RBFOX3: variants seen among roughly 807,000 people sequenced by gnomAD.
RBFOX3 encodes RNA binding protein fox-1 homolog 3.
RBFOX3 carries 17 observed loss-of-function variants against 48.7 expected under a neutral mutation model. The observed-to-expected ratio is 0.35, with a 90% CI of 0.24 to 0.52. The LOEUF is 0.52. Ranked by LOEUF, RBFOX3 falls within the 20% of genes least tolerant of loss-of-function variation. The pLI, the probability that RBFOX3 is intolerant of heterozygous loss-of-function variation, is 0.94. For synonymous variants in RBFOX3, 212 were observed against 209.5 expected (o/e 1.01, Z -0.10); for missense variants, 382 against 497.5 (o/e 0.77, Z 2.21).
Position 79,230,815 on chromosome 17 carries a change from C to G in RBFOX3, c.-34+4951G>C, listed in dbSNP as rs183815900. ...GACTGGGGACAAGGGCCAGGCCCAG[C>G]CTGTGTATGTGCCTGGGTTTGTTCC... On this transcript the variant is annotated intron_variant, in intron 4 of 14. Coordinates refer to ENST00000693108, the MANE Select transcript of RBFOX3 (RefSeq NM_001350451.2). Among the ~76,000 whole-genome samples, 261 of 152,246 alleles carry G rather than the reference C, an allele frequency of 1.7e-3. 1 individual carries two copies. The highest frequency in any genetic ancestry group is 3.4e-3 in the Middle Eastern group (1 of 294).
intron 1 of RBFOX3, among the ~76,000 whole-genome samples, chr17:79,540,483 C>CA (rs2089522888): frequency 6.6e-6 from 1 of 152,246 alleles, no homozygotes; most frequent in Non-Finnish European, 1.5e-5. Context: ...CTCAGCGTGT[C>CA]AGGCAGGGCT....
intron 4 of RBFOX3, among the ~76,000 whole-genome samples, chr17:79,178,348 T>G (rs2051080764): frequency 6.6e-6 from 1 of 152,234 alleles, no homozygotes; most frequent in Non-Finnish European, 1.5e-5. Flanking sequence ...AAGAAAGAGC[T>G]TAAGCCTCAA....
intron 2 of RBFOX3, among the ~76,000 whole-genome samples, chr17:79,323,645 C>T (rs2078878898): frequency 6.6e-6 from 1 of 152,130 alleles, no homozygotes; most frequent in Non-Finnish European, 1.5e-5. Flanking sequence ...GGGCTCGGTC[C>T]TGACCTTTGT....
At chr17:79,171,352 A>T (rs918325606) in intron 4 of RBFOX3, among the ~76,000 whole-genome samples, 2 of 152,228 alleles carry the variant, frequency 1.3e-5, no homozygotes, top group African/African-American at 4.8e-5. Flanking sequence ...GGGCTGGTGT[A>T]GGCCAGAGAC....
At chr17:79,253,271 C>T (rs910460956) in intron 3 of RBFOX3, among the ~76,000 whole-genome samples, 8 of 152,024 alleles carry the variant, frequency 5.3e-5, no homozygotes, top group South Asian at 2.1e-4. Flanking sequence ...CACACACATC[C>T]GGACACAAAG....
chr17:79,590,042 G>A (rs2093371583), intron 1 of RBFOX3, among the ~76,000 whole-genome samples: 1 of 152,166 alleles, frequency 6.6e-6, no homozygotes, highest in South Asian at 2.1e-4. Context: ...GGGCACTGCA[G>A]GGGCGGTGGG....
the RBFOX3 span, among the ~76,000 whole-genome samples, chr17:79,636,122 C>T: frequency 6.6e-6 from 1 of 151,988 alleles, no homozygotes; most frequent in Non-Finnish European, 1.5e-5. Flanking sequence ...ATAAATGCAA[C>T]AGAAGCAGGA....
intron 4 of RBFOX3, among the ~76,000 whole-genome samples, chr17:79,144,349 G>A (rs1416026414): frequency 1.3e-5 from 2 of 149,914 alleles, no homozygotes; most frequent in Non-Finnish European, 3.0e-5. Context: ...CACGGAGGGT[G>A]GGGTGGGCAG....
intron 4 of RBFOX3, among the ~76,000 whole-genome samples, chr17:79,123,844 G>A (rs2036436756): frequency 6.6e-6 from 1 of 152,210 alleles, no homozygotes; most frequent in Admixed American, 6.5e-5. Context: ...AAACCCGGCT[G>A]TGCTGCAGGC....
chr17:79,436,519 C>A (rs113575657), intron 2 of RBFOX3, among the ~76,000 whole-genome samples: 151 of 152,176 alleles, frequency 9.9e-4, no homozygotes, highest in African/African-American at 3.5e-3. Flanking sequence ...CCAGGACACC[C>A]GGGAGGAGCT....
chr17:79,557,252 A>T (rs1177797918), intron 1 of RBFOX3, among the ~76,000 whole-genome samples: 1 of 144,568 alleles, frequency 6.9e-6, no homozygotes, highest in Non-Finnish European at 1.5e-5. Flanking sequence ...AAAAAAAAGG[A>T]AAGGAAAGGA....
intron 4 of RBFOX3, among the ~76,000 whole-genome samples, chr17:79,143,332 T>C (rs2042295288): frequency 7.5e-6 from 1 of 132,508 alleles, no homozygotes; most frequent in African/African-American, 2.9e-5. Context: ...CTGGATATTC[T>C]GGGGACAGTT....
chr17:79,539,202 A>C (rs1036463264), intron 1 of RBFOX3, among the ~76,000 whole-genome samples: 1 of 152,032 alleles, frequency 6.6e-6, no homozygotes, highest in Non-Finnish European at 1.5e-5. Context: ...AAATAGAAAA[A>C]TTAGCAGGGC....
chr17:79,447,840 C>T (rs1555739176), intron 2 of RBFOX3, among the ~76,000 whole-genome samples: 1 of 152,172 alleles, frequency 6.6e-6, no homozygotes, highest in Non-Finnish European at 1.5e-5. Flanking sequence ...ACCCAAATAG[C>T]ATGTCAAACT....
chr17:79,195,393 C>T lies in RBFOX3; in HGVS notation c.-34+40373G>A, dbSNP rs184709490. 2.0e-4 allele frequency among the ~76,000 whole-genome samples: 31 copies of T among 151,774 alleles called. No homozygotes were observed. The highest frequency in any genetic ancestry group is 4.3e-4 in the African/African-American group (18 of 41,390). Reference sequence around the variant, plus strand: ...CTCCAGCTTGGGTGACAGAGTGAGACTCCATCTTGAAAAAAAAAAAGAAGA... The same window carrying T: ...CTCCAGCTTGGGTGACAGAGTGAGATTCCATCTTGAAAAAAAAAAAGAAGA... On this transcript the variant is annotated intron_variant, in intron 4 of 14. Coordinates refer to ENST00000693108, the MANE Select transcript of RBFOX3 (RefSeq NM_001350451.2). This position sits in a 1 kb window ranked among gnomAD's most constrained non-coding sequence, Gnocchi z 5.3.
At position 79,160,717 on chromosome 17, in the gene RBFOX3, T is replaced by C. The variant is rs542390279; in HGVS notation, c.-33-44969A>G. Among the ~76,000 whole-genome samples, 27 of 152,346 alleles carry C rather than the reference T, an allele frequency of 1.8e-4. No individual in the cohort carries two copies. In the South Asian group the frequency reaches 5.4e-3, roughly 30 times the overall value. On this transcript the variant is annotated intron_variant, in intron 4 of 14. Coordinates refer to ENST00000693108, the MANE Select transcript of RBFOX3 (RefSeq NM_001350451.2). Reference sequence around the variant, plus strand: ...ACATCTTGGCGAGCGTAGTGGCTCATGCCTGTAATTCCAGCACTTAGGGAG... The same window carrying C: ...ACATCTTGGCGAGCGTAGTGGCTCACGCCTGTAATTCCAGCACTTAGGGAG...
chr17:79,147,314 C>T (rs2043238087), intron 4 of RBFOX3, among the ~76,000 whole-genome samples: 1 of 152,246 alleles, frequency 6.6e-6, no homozygotes, highest in Non-Finnish European at 1.5e-5. Context: ...GTTCACCAGC[C>T]CTACGCAGCC....
At chr17:79,606,603 T>A (rs1157734892) in intron 1 of RBFOX3, among the ~76,000 whole-genome samples, 4 of 152,242 alleles carry the variant, frequency 2.6e-5, no homozygotes, top group Non-Finnish European at 4.4e-5. Context: ...GAAACTGTGA[T>A]AGCAAACTAA....
chr17:79,240,469 C>A (rs940864148), intron 3 of RBFOX3, among the ~76,000 whole-genome samples: 1 of 152,192 alleles, frequency 6.6e-6, no homozygotes, highest in Middle Eastern at 3.2e-3. Context: ...GTGTCCCCAG[C>A]TCTTTGATAA....
Sources: gnomAD v4.1 joint callset for allele counts (sites outside exome capture counted in the v4.1 genomes callset) on GRCh38, gnomAD v4.1.1 for gene constraint, Gnocchi (gnomAD v3.1) non-coding constraint, MANE v1.5 for transcripts, NCBI Gene and HGNC (gene_info 2026-07-23, HGNC 2026-07-21) for gene names.